The following PCDHGA2 variants were observed in gnomAD, a reference collection of about 807,000 sequenced individuals.
The protein encoded by PCDHGA2 is protocadherin gamma subfamily A, 2, also known as protocadherin gamma-A2.
Under a neutral mutation model 59.2 loss-of-function variants are expected in PCDHGA2, and 40 were observed. That is an observed-to-expected ratio of 0.68 (90% CI 0.52 to 0.88). The LOEUF (loss-of-function observed/expected upper bound fraction) is 0.88. Among genes scored for constraint, PCDHGA2 ranks in the 40% least tolerant of loss-of-function variants. The probability of loss-of-function intolerance (pLI) is 0.00; values close to 1 mark genes in which losing one functional copy is unlikely to be tolerated. For missense variants in PCDHGA2, 1,226 were observed against 1,204.0 expected (o/e 1.02, Z -0.27); for synonymous variants, 560 against 526.0 (o/e 1.06, Z -0.89).
chr5:141,509,059 C>T (rs1313349089), intron 3 of PCDHGA2, among the ~76,000 whole-genome samples: 2 of 152,182 alleles, frequency 1.3e-5, no homozygotes, highest in Non-Finnish European at 2.9e-5. Flanking sequence ...CCAGAAAGCT[C>T]TCAGCTCCGG....
chr5:141,510,813 C>T, intron 3 of PCDHGA2, 134 bp from the exon 4 acceptor site: 1 of 1,537,024 alleles, frequency 6.5e-7, no homozygotes, highest in South Asian at 1.2e-5. Flanking sequence ...CTTGGTGACC[C>T]CTATATTCCC....
chr5:141,374,292 G>A (rs1268827954), intron 1 of PCDHGA2: 4 of 1,613,966 alleles, frequency 2.5e-6, no homozygotes, highest in Non-Finnish European at 2.5e-6. Context: ...GTCTCCAGAG[G>A]TAGGATGCAG....
rs1280755615 is a variant in PCDHGA2 at position 141,431,629 on chromosome 5, A to C, written c.2425-63178A>C. On this transcript the variant is annotated intron_variant, in intron 1 of 3. Transcript: ENST00000394576. This position sits in a 1 kb window ranked among gnomAD's most constrained non-coding sequence, Gnocchi z 4.8. ...GGTATGTGGACGACAAGGCGGCCCA[A>C]GTTTTCAAACTAGATTGTAATTCAG... 6.2e-7 allele frequency: 1 copy of C among 1,614,246 alleles called. No individual in the cohort carries two copies. Among genetic ancestry groups the C allele is most frequent in the South Asian group, 1.1e-5 (1 of 91,090 alleles).
At position 141,355,951 on chromosome 5, in the gene PCDHGA2, G is replaced by T. The variant is rs1178682642; in HGVS notation, c.2424+14556G>T. 4 of 1,613,916 alleles carry T rather than the reference G, an allele frequency of 2.5e-6. No homozygotes were observed. In the South Asian group the frequency reaches 4.4e-5, roughly 18 times the overall value. On this transcript the variant is annotated intron_variant, in intron 1 of 3. Transcript: ENST00000394576. ...CACTCAGCCCGAGTACCACGTAAGT[G>T]TTCGTGAGAACGTTCCTGTAGGCAC...
intron 1 of PCDHGA2, chr5:141,345,527 G>A (rs746508095): frequency 2.7e-5 from 43 of 1,614,120 alleles, no homozygotes; most frequent in Non-Finnish European, 3.6e-5. Context: ...CTCTCCAGGG[G>A]GCGCCCCTGT....
intron 1 of PCDHGA2, chr5:141,389,398 T>C (rs1384148422): frequency 1.2e-6 from 2 of 1,613,536 alleles, no homozygotes; most frequent in East Asian, 4.5e-5. Flanking sequence ...TACGTGTCCA[T>C]AAGCGCGGAG....
In PCDHGA2 at chr5:141,344,126, C is replaced by A. The variant is rs768485525; in HGVS notation, c.2424+2731C>A. The A allele has an allele frequency of 1.9e-6, 3 of 1,613,878 alleles. No individual in the cohort carries two copies. In the African/African-American group the frequency reaches 4.0e-5, roughly 22 times the overall value. On this transcript the variant is annotated intron_variant, in intron 1 of 3. Transcript: ENST00000394576. ...TGTGCGAAACAGGATCCGGTCAGAT[C>A]CGCTACTCGGTGTCTGAGGAGCTAG...
chr5:141,407,869 A>T lies in PCDHGA2; in HGVS notation c.2424+66474A>T, dbSNP rs1031666668. ...GGATGTACACCTGCATTTTCGAAGA[A>T]TATATACATTTCGGAGACCGAATTC... On this transcript the variant is annotated intron_variant, in intron 1 of 3. Coordinates refer to ENST00000394576, the MANE Select transcript of PCDHGA2 (RefSeq NM_018915.4). Among the ~76,000 whole-genome samples, 20 of 152,262 alleles carry T rather than the reference A, an allele frequency of 1.3e-4. No homozygotes were observed. The East Asian group carries it at 1.5e-3, about 12-fold the overall frequency.
At chr5:141,452,948 G>A (rs2098752873) in intron 1 of PCDHGA2, among the ~76,000 whole-genome samples, 1 of 152,134 alleles carries the variant, frequency 6.6e-6, no homozygotes, top group African/African-American at 2.4e-5. Context: ...CTTGCAATTG[G>A]TTGTCTTTAA....
intron 1 of PCDHGA2, among the ~76,000 whole-genome samples, chr5:141,458,380 G>T (rs1592559992): frequency 6.6e-6 from 1 of 152,136 alleles, no homozygotes; most frequent in African/African-American, 2.4e-5. Flanking sequence ...AAGAGAGAAG[G>T]AAGACGCTCC....
chr5:141,390,513 A>G lies in PCDHGA2; in HGVS notation c.2424+49118A>G. ...TTTTTAGCCAAGCTTAGATTTATAA[A>G]GCAATGAGGGTGTGGTTTTAACCAC... is the stretch of plus-strand genomic sequence containing the variant. On this transcript the variant is annotated intron_variant, in intron 1 of 3. Coordinates refer to ENST00000394576, the MANE Select transcript of PCDHGA2 (RefSeq NM_018915.4). The G allele has an allele frequency of 1.0e-5, 6 of 581,214 alleles. No homozygotes were observed. The South Asian group carries it at 1.1e-4, about 10-fold the overall frequency. The allele number at this position is 581,214 out of a possible 1,614,324, so 36.0% of individuals were successfully genotyped here.
chr5:141,439,716 C>T (rs2098127719), intron 1 of PCDHGA2: 1 of 152,476 alleles, frequency 6.6e-6, no homozygotes, highest in Non-Finnish European at 1.5e-5. Flanking sequence ...CCTAGTTCTA[C>T]AAATTATAAG....
rs758184570 is a variant in PCDHGA2, at chr5:141,340,497, C to T, written c.1526C>T (p.Ser509Phe). Residue 509 changes from serine to phenylalanine, a missense_variant, in exon 1 of 4, where the codon TCC becomes TTC. Coordinates refer to ENST00000394576, the MANE Select transcript of PCDHGA2 (RefSeq NM_018915.4). ...APLSSYISIN[S>F]DTGVLYALRS... is the part of the protein sequence containing the mutation. ...TTATCCTCTTACATCTCTATCAACT[C>T]CGACACTGGAGTACTCTATGCACTG... 1 of 1,614,234 alleles carries T rather than the reference C, an allele frequency of 6.2e-7. No individual in the cohort carries two copies. Among genetic ancestry groups the T allele is most frequent in the Non-Finnish European group, 8.5e-7 (1 of 1,180,048 alleles).
chr5:141,360,388 C>T, intron 1 of PCDHGA2: 3 of 1,613,908 alleles, frequency 1.9e-6, no homozygotes, highest in Non-Finnish European at 2.5e-6. Flanking sequence ...CGGAGACTTA[C>T]TTGTGAGTGA....
chr5:141,450,650 C>G (rs1220350105), intron 1 of PCDHGA2, among the ~76,000 whole-genome samples: 1 of 151,618 alleles, frequency 6.6e-6, no homozygotes, highest in Non-Finnish European at 1.5e-5. Context: ...CCATGCCTGG[C>G]TAATTTTTGT....
intron 1 of PCDHGA2, chr5:141,389,544 A>G (rs759523366): frequency 1.2e-6 from 2 of 1,613,260 alleles, no homozygotes; most frequent in Non-Finnish European, 1.7e-6. Context: ...GGACGACCGC[A>G]ACGACAATGC....
chr5:141,498,312 T>C (rs2099783060), intron 2 of PCDHGA2, among the ~76,000 whole-genome samples: 1 of 151,714 alleles, frequency 6.6e-6, no homozygotes, highest in Non-Finnish European at 1.5e-5. Context: ...TCACACTGCC[T>C]ACACAGAAGG....
intron 1 of PCDHGA2, among the ~76,000 whole-genome samples, chr5:141,482,981 A>T (rs1377809325): frequency 6.7e-6 from 1 of 150,250 alleles, no homozygotes; most frequent in Admixed American, 6.6e-5. Flanking sequence ...GCTACTTGAG[A>T]GGTCGAGGCA....
intron 1 of PCDHGA2, among the ~76,000 whole-genome samples, chr5:141,407,776 A>G (rs1248399145): frequency 2.0e-5 from 3 of 152,234 alleles, no homozygotes; most frequent in Non-Finnish European, 4.4e-5. Context: ...TGTGCATAAT[A>G]GATTTATTTA....
Sources: gnomAD v4.1 joint callset for allele counts (sites outside exome capture counted in the v4.1 genomes callset) on GRCh38, gnomAD v4.1.1 for gene constraint, Gnocchi (gnomAD v3.1) non-coding constraint, MANE v1.5 for transcripts, NCBI Gene and HGNC (gene_info 2026-07-23, HGNC 2026-07-21) for gene names.